Variants in TACC2 observed in about 807,000 individuals in gnomAD.
TACC2 encodes transforming acidic coiled-coil containing protein 2, also known as transforming acidic coiled-coil-containing protein 2.
In TACC2, 137 loss-of-function variants were observed where a neutral mutation model predicts 227.3. The observed-to-expected ratio is 0.60, with a 90% confidence interval of 0.52 to 0.69. The LOEUF is 0.69. TACC2 is among the 30% of genes least tolerant of loss of function. The pLI is 0.00. For missense variants in TACC2, 3,470 were observed against 3,694.4 expected (o/e 0.94, Z 1.57); for synonymous variants, 1,523 against 1,487.5 (o/e 1.02, Z -0.55).
chr10:122,040,768 CT>C (rs544199314), intron 2 of TACC2, among the ~76,000 whole-genome samples: 3 of 152,214 alleles, frequency 2.0e-5, no homozygotes, highest in Non-Finnish European at 4.4e-5. Flanking sequence ...TAATTTTCAA[CT>C]CTAGAAACTG....
chr10:122,160,541 G>T (rs933341320), intron 7 of TACC2, among the ~76,000 whole-genome samples: 2 of 152,056 alleles, frequency 1.3e-5, no homozygotes, highest in African/African-American at 4.8e-5. Context: ...GTGTGTGTGG[G>T]GGGGGTCTCG....
At chr10:122,198,118 T>G (rs995146108) in intron 8 of TACC2, among the ~76,000 whole-genome samples, 2 of 152,244 alleles carry the variant, frequency 1.3e-5, no homozygotes, top group Non-Finnish European at 2.9e-5. Flanking sequence ...ACCTACATTT[T>G]ATAAAGCACT....
At chr10:122,074,914 G>C (rs1226354883) in intron 3 of TACC2, among the ~76,000 whole-genome samples, 1 of 152,100 alleles carries the variant, frequency 6.6e-6, no homozygotes. Flanking sequence ...TCCTTCTCCT[G>C]AAGAAGTCAT....
At chr10:122,230,024 A>G (rs2095706672) in intron 15 of TACC2, among the ~76,000 whole-genome samples, 1 of 152,136 alleles carries the variant, frequency 6.6e-6, no homozygotes, top group African/African-American at 2.4e-5. Context: ...CATGGAAACT[A>G]TTGGCCAACT....
intron 5 of TACC2, among the ~76,000 whole-genome samples, chr10:122,094,752 A>G (rs1439150685): frequency 6.6e-6 from 1 of 152,124 alleles, no homozygotes; most frequent in Non-Finnish European, 1.5e-5. Flanking sequence ...TCCCCTGTTC[A>G]TGCTGCACTT....
At chr10:121,999,545 T>A (rs537149811) in intron 1 of TACC2, among the ~76,000 whole-genome samples, 1 of 152,254 alleles carries the variant, frequency 6.6e-6, no homozygotes, top group Admixed American at 6.5e-5. Context: ...TTTGGTGATA[T>A]TACTGTTTGC....
intron 17 of TACC2, 71 bp from the exon 18 acceptor site, chr10:122,237,890 G>A (rs2095890460): frequency 6.2e-6 from 7 of 1,126,984 alleles, no homozygotes. Context: ...TCCTTTTCTT[G>A]ATCTATGAAT....
chr10:122,132,068 A>G (rs200489218), intron 5 of TACC2, among the ~76,000 whole-genome samples: 2 of 89,844 alleles, frequency 2.2e-5, no homozygotes, highest in African/African-American at 1.2e-4. Context: ...AAGAAAGAAA[A>G]AGAAAGAAAG....
At chr10:122,013,197 T>C (rs1956162890) in intron 1 of TACC2, among the ~76,000 whole-genome samples, 1 of 152,056 alleles carries the variant, frequency 6.6e-6, no homozygotes, top group Non-Finnish European at 1.5e-5. Flanking sequence ...AAGATTGGAA[T>C]TTTCTACATC....
intron 1 of TACC2, among the ~76,000 whole-genome samples, chr10:122,003,195 ACT>A (rs1456909946): frequency 6.6e-6 from 1 of 151,648 alleles, no homozygotes; most frequent in Non-Finnish European, 1.5e-5. Context: ...ACAAAGCAAG[ACT>A]CTGTCTCAAA....
chr10:122,126,485 A>G (rs551513747), intron 5 of TACC2, among the ~76,000 whole-genome samples: 205 of 152,190 alleles, frequency 1.3e-3, no homozygotes, highest in Non-Finnish European at 2.2e-3. Flanking sequence ...CTCCACAACT[A>G]GTTCTGGATT....
chr10:122,230,466 ACCT>A, intron 16 of TACC2, 26 bp downstream of exon 16: 1 of 1,603,734 alleles, frequency 6.2e-7, no homozygotes, highest in African/African-American at 1.3e-5. Context: ...TGCGTGCGCC[ACCT>A]CCTGAGAATG....
rs1957394123 is a variant in TACC2 at position 122,021,989 on chromosome 10, A to G, written c.8A>G (p.Asn3Ser). The G allele has an allele frequency of 5.0e-6, 8 of 1,614,158 alleles. No homozygotes were observed. The highest frequency in any genetic ancestry group is 5.9e-6 in the Non-Finnish European group (7 of 1,180,008). MG[N>S]ENSTSDNQRT... is the part of the protein sequence containing the mutation. ...TGGGAACACTGAATCAACATGGGCA[A>G]TGAGAACAGCACCTCGGACAACCAG... Residue 3 changes from asparagine to serine, a missense_variant, in exon 2 of 23, where the codon AAT becomes AGT. By Grantham distance (46) the Asn-to-Ser change is conservative (BLOSUM62 1). This residue lies in a region of TACC2 where 405 missense variants were observed against 389.6 expected (regional missense o/e 1.04). Transcript: ENST00000369005.
At chr10:122,032,182 C>T (rs544803840) in intron 2 of TACC2, among the ~76,000 whole-genome samples, 5 of 152,314 alleles carry the variant, frequency 3.3e-5, no homozygotes, top group African/African-American at 1.2e-4. Context: ...CCTTCAATAT[C>T]ACTTGAAGCA....
At chr10:122,116,513 T>C (rs866994611) in intron 5 of TACC2, among the ~76,000 whole-genome samples, 11 of 152,348 alleles carry the variant, frequency 7.2e-5, no homozygotes, top group Middle Eastern at 3.4e-3. Context: ...CGTGACGTTG[T>C]GAACTGTCTG....
At position 122,085,696 on chromosome 10, in the gene TACC2, G is replaced by T. The variant is rs11200387; in HGVS notation, c.3196G>T (p.Ala1066Ser). ...TCCCTGCCTGCCAGCCCTGGCGCCC[G>T]CCAGCCCCGGAGTCACACCCACCCA... ...AVPCLPALAPASPGVTPTQDA... is the reference protein window; with the variant it reads ...AVPCLPALAPSSPGVTPTQDA... The change falls in exon 4 of 23, where the codon GCC becomes TCC. Residue 1066 changes from alanine (A) to serine (S), a missense_variant. Physicochemically the swap from Ala to Ser is moderately conservative, Grantham distance 99. Around this residue, in one of 10 missense-constraint regions of TACC2, gnomAD observed 1,924 missense variants for 1,978.3 expected, o/e 0.97. Transcript: ENST00000369005. 1 of 1,613,432 alleles carries T rather than the reference G, an allele frequency of 6.2e-7. No individual in the cohort carries two copies. The highest frequency in any genetic ancestry group is 1.3e-5 in the African/African-American group (1 of 74,844).
At chr10:121,999,767 G>A (rs970483043) in intron 1 of TACC2, among the ~76,000 whole-genome samples, 1 of 152,052 alleles carries the variant, frequency 6.6e-6, no homozygotes, top group African/African-American at 2.4e-5. Flanking sequence ...TCTTGGAGAA[G>A]CAGCTATTAA....
chr10:122,189,223 T>C (rs1214363223), intron 7 of TACC2, among the ~76,000 whole-genome samples: 1 of 152,130 alleles, frequency 6.6e-6, no homozygotes, highest in East Asian at 1.9e-4. Context: ...TCTGAAGGTC[T>C]CATTCAGCGG....
chr10:122,236,675 G>T (rs2095863117), intron 16 of TACC2, among the ~76,000 whole-genome samples: 1 of 152,238 alleles, frequency 6.6e-6, no homozygotes, highest in South Asian at 2.1e-4. Flanking sequence ...GTGGGTTGGG[G>T]TGGTGGATCA....
Sources: gnomAD v4.1 joint callset for allele counts (sites outside exome capture counted in the v4.1 genomes callset) on GRCh38, gnomAD v4.1.1 for gene constraint, gnomAD v4.1.1 regional missense constraint, MANE v1.5 for transcripts, NCBI Gene and HGNC (gene_info 2026-07-23, HGNC 2026-07-21) for gene names.